The following ZNF578 variants were observed in gnomAD, a reference collection of about 807,000 sequenced individuals.
ZNF578 encodes zinc finger protein 578.
Under a neutral mutation model 8.3 loss-of-function variants are expected in ZNF578, and 8 were observed. The observed-to-expected ratio is 0.96, with a 90% CI of 0.56 to 1.74. ZNF578 has a LOEUF of 1.74. Ranked by LOEUF, ZNF578 falls within the 40% of genes most tolerant of loss-of-function variation. ZNF578 has a pLI of 0.00. For missense variants in ZNF578, 726 were observed against 707.5 expected (o/e 1.03, Z -0.30); for synonymous variants, 206 against 232.2 (o/e 0.89, Z 1.03).
chr19:52,496,348 G>C (rs1599905674), intron 3 of ZNF578, among the ~76,000 whole-genome samples: 1 of 101,960 alleles, frequency 9.8e-6, no homozygotes, highest in Non-Finnish European at 2.3e-5. Context: ...TTATTTATTT[G>C]AGACAGAGTC....
In ZNF578 at chr19:52,460,327, T is replaced by A. The variant is rs1258387331; in HGVS notation, c.-122+3369T>A. ...TCCTCTCCAACACTTTTTTTTTTTT[T>A]ATTGATGATGGCCATCCTAATGGGT... On this transcript the variant is annotated intron_variant, in intron 2 of 5. Transcript: ENST00000421239. 7.2e-5 allele frequency among the ~76,000 whole-genome samples: 10 copies of A among 139,158 alleles called. No homozygotes were observed. The East Asian group carries it at 1.0e-3, about 14-fold the overall frequency. 91.3% of individuals were successfully genotyped at this position (139,158 alleles called of 152,430 possible).
At position 52,459,769 on chromosome 19, in the gene ZNF578, A is replaced by ATATATATTTTTTTT. The variant is rs1555751349; in HGVS notation, c.-122+2812_-122+2813insATATATTTTTTTTT. On this transcript the variant is annotated intron_variant, in intron 2 of 5. Coordinates refer to ENST00000421239, the MANE Select transcript of ZNF578 (RefSeq NM_001099694.2). ...TGTGTGTGTATATATATATATATAT[A>ATATATATTTTTTTT]TTTTTTTTTTTTTTTTTTTTTTTTG... Among the ~76,000 whole-genome samples the ATATATATTTTTTTT allele has an allele frequency of 2.4e-3, 42 of 17,620 alleles. 6 individuals are homozygous for ATATATATTTTTTTT. The highest frequency in any genetic ancestry group is 5.1e-3 in the East Asian group (2 of 394). The allele number at this position is 17,620 out of a possible 152,430, so 11.6% of individuals were successfully genotyped here.
At chr19:52,504,153 C>T (rs1052531981) in intron 4 of ZNF578, among the ~76,000 whole-genome samples, 40 of 148,294 alleles carry the variant, frequency 2.7e-4, no homozygotes, top group African/African-American at 6.4e-4. Context: ...GGCAGTGGTG[C>T]GATCTTGGCT....
rs1217378803 is a variant in ZNF578 at position 52,515,032 on chromosome 19, G to A, written c.*2878G>A. On this transcript the variant is annotated 3_prime_UTR_variant, in exon 6 of 6. Transcript: ENST00000421239. Reference sequence around the variant, plus strand: ...GGCTGGAGTGCAATGGTGCGATCTGGTGTCACTCCAATGTCTTCCTCCTGG... The same window carrying A: ...GGCTGGAGTGCAATGGTGCGATCTGATGTCACTCCAATGTCTTCCTCCTGG... 1.3e-5 allele frequency among the ~76,000 whole-genome samples: 2 copies of A among 149,430 alleles called. No homozygotes were observed. The highest frequency in any genetic ancestry group is 3.0e-5 in the Non-Finnish European group (2 of 67,700).
intron 2 of ZNF578, among the ~76,000 whole-genome samples, chr19:52,489,869 G>A (rs1267087702): frequency 4.6e-5 from 7 of 152,042 alleles, no homozygotes; most frequent in Non-Finnish European, 1.0e-4. Context: ...TGGTAGCCAG[G>A]ATGATCTCTA....
intron 2 of ZNF578, among the ~76,000 whole-genome samples, chr19:52,463,825 C>T (rs936038449): frequency 1.3e-5 from 2 of 152,016 alleles, no homozygotes; most frequent in Non-Finnish European, 2.9e-5. Flanking sequence ...TGCCATTTTC[C>T]CAGTACTGTA....
intron 5 of ZNF578, 139 bp from the exon 6 acceptor site, chr19:52,510,433 T>A (rs1041881547): frequency 8.5e-7 from 1 of 1,178,466 alleles, no homozygotes; most frequent in African/African-American, 1.6e-5. Flanking sequence ...AGAATCTTAC[T>A]ACTTTTGTGT....
chr19:52,466,939 T>G (rs1241934223), intron 2 of ZNF578, among the ~76,000 whole-genome samples: 2 of 152,218 alleles, frequency 1.3e-5, no homozygotes, highest in Non-Finnish European at 2.9e-5. Flanking sequence ...CAATATATAA[T>G]ACCCTTTCAT....
intron 2 of ZNF578, among the ~76,000 whole-genome samples, chr19:52,460,138 A>C (rs1006153721): frequency 4.0e-5 from 6 of 151,714 alleles, no homozygotes; most frequent in Non-Finnish European, 7.4e-5. Flanking sequence ...GTATGTATAT[A>C]GATGTATAAA....
rs1568468503 is a variant in ZNF578, at chr19:52,511,764, CAG to C, written c.1386_1387del (p.Arg462SerfsTer9). ...EKSYKCEECD[R>X]VFSQKSNLER... ...AATCTTACAAATGTGAAGAATGTGA[CAG>C]AGTTTTCAGTCAGAAATCAAACCTT... is the stretch of plus-strand genomic sequence containing the variant. On this transcript the variant is annotated frameshift_variant, in exon 6 of 6. Coordinates refer to ENST00000421239, the MANE Select transcript of ZNF578 (RefSeq NM_001099694.2). LOFTEE classifies it low-confidence loss of function (END_TRUNC). 7 of 1,613,112 alleles carry C rather than the reference CAG, an allele frequency of 4.3e-6. No individual in the cohort carries two copies. Among genetic ancestry groups the C allele is most frequent in the Non-Finnish European group, 5.9e-6 (7 of 1,179,806 alleles).
At chr19:52,493,654 A>G (rs182588616) in intron 3 of ZNF578, among the ~76,000 whole-genome samples, 114 of 152,080 alleles carry the variant, frequency 7.5e-4, no homozygotes, top group Admixed American at 5.0e-3. Context: ...GGTAATATAT[A>G]GAGATTGAGG....
intron 2 of ZNF578, among the ~76,000 whole-genome samples, chr19:52,489,076 G>A (rs2059355951): frequency 6.6e-6 from 1 of 152,006 alleles, no homozygotes; most frequent in Non-Finnish European, 1.5e-5. Context: ...TCCAGCCTGG[G>A]TGACAGAGTG....
intron 3 of ZNF578, among the ~76,000 whole-genome samples, chr19:52,493,953 T>G (rs972428816): frequency 1.3e-5 from 2 of 151,044 alleles, no homozygotes; most frequent in Admixed American, 6.6e-5. Flanking sequence ...TCTCACCATT[T>G]CACTCCAGCC....
chr19:52,474,104 C>A (rs531708053), intron 2 of ZNF578: 6 of 350,598 alleles, frequency 1.7e-5, no homozygotes, highest in South Asian at 5.1e-5. Context: ...CTGATGATTG[C>A]TTAGGGATAA....
chr19:52,475,618 A>C (rs143029487), intron 2 of ZNF578, among the ~76,000 whole-genome samples: 2 of 152,110 alleles, frequency 1.3e-5, no homozygotes, highest in Non-Finnish European at 2.9e-5. Context: ...CGGCATCTCA[A>C]AGTGCTGGGA....
chr19:52,507,248 C>T (rs549265602), intron 5 of ZNF578, among the ~76,000 whole-genome samples: 1 of 152,094 alleles, frequency 6.6e-6, no homozygotes, highest in Non-Finnish European at 1.5e-5. Flanking sequence ...ATTAGCTGGG[C>T]ATGTTGGTAT....
At chr19:52,504,574 T>C in intron 4 of ZNF578, 81 bp from the exon 5 acceptor site, 1 of 1,598,910 alleles carries the variant, frequency 6.3e-7, no homozygotes, top group Non-Finnish European at 8.5e-7. Flanking sequence ...AAGAAATACT[T>C]ATTTTCTCTT....
chr19:52,482,511 G>A (rs111542488), intron 2 of ZNF578, among the ~76,000 whole-genome samples: 23 of 152,094 alleles, frequency 1.5e-4, no homozygotes, highest in African/African-American at 4.1e-4. Flanking sequence ...GGTGGCAGAC[G>A]CCTGTAATCC....
rs980066254 is a variant in ZNF578 at position 52,514,362 on chromosome 19, C to A, written c.*2208C>A. Among the ~76,000 whole-genome samples, 8 of 152,180 alleles carry A rather than the reference C, an allele frequency of 5.3e-5. No individual in the cohort carries two copies. Among genetic ancestry groups the A allele is most frequent in the African/African-American group, 1.7e-4 (7 of 41,440 alleles). Reference sequence around the variant, plus strand: ...TGTTTGAAATTAGTTGCATCCAGTTCAGATCGAGGTCTGCATGCTTTCTAG... The same window carrying A: ...TGTTTGAAATTAGTTGCATCCAGTTAAGATCGAGGTCTGCATGCTTTCTAG... On this transcript the variant is annotated 3_prime_UTR_variant, in exon 6 of 6. Coordinates refer to ENST00000421239, the MANE Select transcript of ZNF578 (RefSeq NM_001099694.2).
Sources: allele counts gnomAD v4.1 joint callset (sites outside exome capture counted in the v4.1 genomes callset), GRCh38; gene constraint gnomAD v4.1.1; transcripts MANE v1.5; gene names NCBI Gene and HGNC (gene_info 2026-07-23, HGNC 2026-07-21).